The following TNFSF15 variants were observed in gnomAD, a reference collection of about 807,000 sequenced individuals.
TNFSF15 encodes the protein tumor necrosis factor ligand superfamily member 15.
A neutral mutation model predicts 26.4 loss-of-function variants in TNFSF15; 15 were observed. The ratio of observed to expected loss-of-function variants is 0.57; its 90% CI spans 0.38 to 0.87. TNFSF15 has a LOEUF of 0.87. Among genes scored for constraint, TNFSF15 ranks in the 40% least tolerant of loss-of-function variants. The pLI, the probability that TNFSF15 is intolerant of heterozygous loss-of-function variation, is 0.00. For synonymous variants in TNFSF15, 116 were observed against 115.0 expected (o/e 1.01, Z -0.06); for missense variants, 290 against 306.1 (o/e 0.95, Z 0.39).
Position 114,785,341 on chromosome 9 carries a change from C to T in TNFSF15, c.*5111G>A, listed in dbSNP as rs1162599560. ...ATTTCTAAAATTCCATGACATTTCT[C>T]TATTGGCCAAGATCTTAGGGGTATT... On this transcript the variant is annotated 3_prime_UTR_variant, in exon 4 of 4. Transcript: ENST00000374045. The T allele has an allele frequency of 1.3e-5, 2 of 152,194 alleles. No homozygotes were observed. Among genetic ancestry groups the T allele is most frequent in the African/African-American group, 2.4e-5 (1 of 41,444 alleles). The allele number at this position is 152,194 out of a possible 1,614,324, so 9.4% of individuals were successfully genotyped here.
At chr9:114,804,688 G>A (rs546496611) in intron 1 of TNFSF15, among the ~76,000 whole-genome samples, 5 of 152,232 alleles carry the variant, frequency 3.3e-5, no homozygotes, top group East Asian at 3.9e-4. Context: ...CAGCATTTCC[G>A]GTTTGTCTGC....
At position 114,805,793 on chromosome 9, in the gene TNFSF15, T is replaced by G. The variant is rs751895682; in HGVS notation, c.210+10A>C. The G allele has an allele frequency of 6.2e-7, 1 of 1,612,098 alleles. No homozygotes were observed. Among genetic ancestry groups the G allele is most frequent in the Admixed American group, 1.7e-5 (1 of 60,024 alleles). On this transcript the variant is annotated intron_variant, in intron 1 of 3. Coordinates refer to ENST00000374045, the MANE Select transcript of TNFSF15 (RefSeq NM_005118.4). ...GCTCCTCCCCAAGGTCAGAGTGCCA[T>G]GTGGCTTACCTGGAACTGCACACAG...
chr9:114,798,869 C>T (rs145356560), intron 1 of TNFSF15, among the ~76,000 whole-genome samples: 8 of 152,212 alleles, frequency 5.3e-5, no homozygotes, highest in Non-Finnish European at 1.0e-4. Flanking sequence ...TATAGTCACT[C>T]TCTATCTCTA....
rs546435447 is a variant in TNFSF15, at chr9:114,798,096, T to G, written c.211-4528A>C. 2.0e-5 allele frequency among the ~76,000 whole-genome samples: 3 copies of G among 152,348 alleles called. No homozygotes were observed. The South Asian group carries it at 6.2e-4, about 32-fold the overall frequency. On this transcript the variant is annotated intron_variant, in intron 1 of 3. Transcript: ENST00000374045. ...AACTTTTTGTTCCTATTAAAAATGT[T>G]TGTCATTTAGTACGAGGGCCTCTAA...
chr9:114,792,319 G>T, intron 3 of TNFSF15, 88 bp downstream of exon 3: 1 of 1,496,116 alleles, frequency 6.7e-7, no homozygotes. Context: ...TTCATTTTAA[G>T]CCACTAGAAT....
At chr9:114,793,673 C>G in intron 1 of TNFSF15, 105 bp from the exon 2 acceptor site, 1 of 1,054,704 alleles carries the variant, frequency 9.5e-7, no homozygotes, top group Non-Finnish European at 1.5e-6. Context: ...TGCTGCCCAG[C>G]CTGGGTACTC....
At chr9:114,803,369 A>G (rs1587902655) in intron 1 of TNFSF15, among the ~76,000 whole-genome samples, 1 of 152,176 alleles carries the variant, frequency 6.6e-6, no homozygotes, top group African/African-American at 2.4e-5. Context: ...ATTGATATTA[A>G]TACCCCCTTC....
rs762159181 is a variant in TNFSF15, at chr9:114,785,461, A to G, written c.*4991T>C. 2.0e-5 allele frequency: 3 copies of G among 152,238 alleles called. No individual in the cohort carries two copies. Among genetic ancestry groups the G allele is most frequent in the South Asian group, 2.1e-4 (1 of 4,832 alleles). The allele number at this position is 152,238 out of a possible 1,614,324, so 9.4% of individuals were successfully genotyped here. ...GGTTTGTAATGATCAACTAGAACACATGGAAGTCAATGAACAAAAGGCCAC... is the reference window on the plus strand; with the variant it reads ...GGTTTGTAATGATCAACTAGAACACGTGGAAGTCAATGAACAAAAGGCCAC... On this transcript the variant is annotated 3_prime_UTR_variant, in exon 4 of 4. Coordinates refer to ENST00000374045, the MANE Select transcript of TNFSF15 (RefSeq NM_005118.4).
intron 1 of TNFSF15, among the ~76,000 whole-genome samples, chr9:114,803,683 G>C (rs896116539): frequency 6.6e-6 from 1 of 152,208 alleles, no homozygotes; most frequent in Non-Finnish European, 1.5e-5. Flanking sequence ...GAGGCAGGGT[G>C]GGGGATGGGG....
At chr9:114,801,111 C>A (rs541621922) in intron 1 of TNFSF15, among the ~76,000 whole-genome samples, 2 of 152,314 alleles carry the variant, frequency 1.3e-5, no homozygotes, top group African/African-American at 4.8e-5. Context: ...AGGAATGCCT[C>A]CTACGGCATC....
In TNFSF15 at chr9:114,790,321, TA is replaced by T; in HGVS notation, c.*130del. 1 of 918,522 alleles carries T rather than the reference TA, an allele frequency of 1.1e-6. No individual in the cohort carries two copies. The highest frequency in any genetic ancestry group is 1.6e-6 in the Non-Finnish European group (1 of 609,778). 56.9% of individuals were successfully genotyped at this position (918,522 alleles called of 1,614,324 possible). A position where few individuals can be genotyped will look rare whatever the true frequency, so the allele number is the denominator to read the frequency against. ...AATTTTGGGCCCCAAATTTCATAGC[TA>T]AACCGTTGTCCCTGTGGAATGCCCC... On this transcript the variant is annotated 3_prime_UTR_variant, in exon 4 of 4. Transcript: ENST00000374045.
intron 3 of TNFSF15, 145 bp downstream of exon 3, chr9:114,792,262 C>T (rs1022031331): frequency 2.3e-5 from 16 of 693,928 alleles, no homozygotes; most frequent in African/African-American, 6.4e-5. Flanking sequence ...CACACACACA[C>T]ACACTGGAAT....
At chr9:114,802,153 A>G (rs1157694680) in intron 1 of TNFSF15, among the ~76,000 whole-genome samples, 2 of 152,138 alleles carry the variant, frequency 1.3e-5, no homozygotes, top group African/African-American at 2.4e-5. Context: ...GATGTGCATC[A>G]CATTCTGGTT....
rs185520289 is a variant in TNFSF15, at chr9:114,791,028, T to G, written c.302-122A>C. ...TCGAATATACCTAACAGCTAAAAAC[T>G]GCTTTGGGGAGGAATGAATGAAGAA... On this transcript the variant is annotated intron_variant, in intron 3 of 3. Transcript: ENST00000374045. 6.7e-6 allele frequency: 6 copies of G among 895,366 alleles called. No homozygotes were observed. The East Asian group carries it at 1.3e-4, about 20-fold the overall frequency. The allele number at this position is 895,366 out of a possible 1,614,324, so 55.5% of individuals were successfully genotyped here.
Position 114,785,448 on chromosome 9 carries a change from T to A in TNFSF15, c.*5004A>T, listed in dbSNP as rs1829483849. 1 of 152,198 alleles carries A rather than the reference T, an allele frequency of 6.6e-6. No homozygotes were observed. The highest frequency in any genetic ancestry group is 6.5e-5 in the Admixed American group (1 of 15,280). The allele number at this position is 152,198 out of a possible 1,614,324, so 9.4% of individuals were successfully genotyped here. A position where few individuals can be genotyped will look rare whatever the true frequency, so the allele number is the denominator to read the frequency against. On this transcript the variant is annotated 3_prime_UTR_variant, in exon 4 of 4. Transcript: ENST00000374045. ...AGAAGGCCTGCCAGGTTTGTAATGA[T>A]CAACTAGAACACATGGAAGTCAATG...
rs534765753 is a variant in TNFSF15, at chr9:114,802,184, A to T, written c.210+3619T>A. ...TGGTTTAATGCTTATTCAACAATAA[A>T]ACTGTTTTCTTTCTCTACTACCTTT... On this transcript the variant is annotated intron_variant, in intron 1 of 3. Coordinates refer to ENST00000374045, the MANE Select transcript of TNFSF15 (RefSeq NM_005118.4). 2.6e-5 allele frequency among the ~76,000 whole-genome samples: 4 copies of T among 152,296 alleles called. No homozygotes were observed. In the South Asian group the frequency reaches 8.3e-4, roughly 32 times the overall value.
Position 114,787,460 on chromosome 9 carries a change from G to T in TNFSF15, c.*2992C>A, listed in dbSNP as rs908118370. The T allele has an allele frequency of 1.3e-5, 2 of 152,208 alleles. No homozygotes were observed. Among genetic ancestry groups the T allele is most frequent in the Admixed American group, 1.3e-4 (2 of 15,280 alleles). 9.4% of individuals were successfully genotyped at this position (152,208 alleles called of 1,614,324 possible). A position where few individuals can be genotyped will look rare whatever the true frequency, so the allele number is the denominator to read the frequency against. ...TAAATAATTTATCTCTGTGTCCCCA[G>T]GGGCAGTAGGTACTCAGTAAATGTT... On this transcript the variant is annotated 3_prime_UTR_variant, in exon 4 of 4. Transcript: ENST00000374045.
intron 3 of TNFSF15, chr9:114,792,171 A>C (rs1829610327): frequency 1.1e-5 from 6 of 532,894 alleles, no homozygotes; most frequent in Non-Finnish European, 1.6e-5. Flanking sequence ...AGTGTTCATC[A>C]ACAGATGAAT....
At chr9:114,802,834 C>G (rs1007061261) in intron 1 of TNFSF15, among the ~76,000 whole-genome samples, 1 of 152,174 alleles carries the variant, frequency 6.6e-6, no homozygotes, top group African/African-American at 2.4e-5. Context: ...CTTGGAACAG[C>G]ACAAATATGG....
Sources: gnomAD v4.1 joint callset for allele counts (sites outside exome capture counted in the v4.1 genomes callset) on GRCh38, gnomAD v4.1.1 for gene constraint, MANE v1.5 for transcripts, NCBI Gene and HGNC (gene_info 2026-07-23, HGNC 2026-07-21) for gene names.